SEMA3E: variants seen among roughly 807,000 people sequenced by gnomAD.
SEMA3E encodes the protein semaphorin 3E, also known as semaphorin-3E.
In SEMA3E, 49 loss-of-function variants were observed where a neutral mutation model predicts 93.6. The observed-to-expected ratio is 0.52, with a 90% CI of 0.42 to 0.66. The LOEUF is 0.66. Ranked by LOEUF, SEMA3E falls within the 30% of genes least tolerant of loss-of-function variation. SEMA3E has a pLI of 0.00. For missense variants in SEMA3E, 906 were observed against 964.8 expected (o/e 0.94, Z 0.81); for synonymous variants, 363 against 330.7 (o/e 1.10, Z -1.06).
At chr7:83,563,972 T>C (rs1343231735) in intron 1 of SEMA3E, among the ~76,000 whole-genome samples, 1 of 152,158 alleles carries the variant, frequency 6.6e-6, no homozygotes, top group Non-Finnish European at 1.5e-5. Context: ...TGACCATTTC[T>C]CCATTTCTCA....
At chr7:83,428,097 T>A (rs1788809481) in intron 4 of SEMA3E, among the ~76,000 whole-genome samples, 1 of 152,208 alleles carries the variant, frequency 6.6e-6, no homozygotes, top group Non-Finnish European at 1.5e-5. Context: ...AAATGGTAGA[T>A]CTCTCCAGGG....
chr7:83,577,202 C>A (rs1792422714), intron 1 of SEMA3E, among the ~76,000 whole-genome samples: 1 of 152,006 alleles, frequency 6.6e-6, no homozygotes, highest in Admixed American at 6.6e-5. Context: ...ACCTGTATGA[C>A]AGATTAGAGA....
At chr7:83,592,435 T>C (rs1792774312) in intron 1 of SEMA3E, among the ~76,000 whole-genome samples, 1 of 147,698 alleles carries the variant, frequency 6.8e-6, no homozygotes, top group Non-Finnish European at 1.5e-5. Flanking sequence ...GTTTATGTAA[T>C]TTTAAAATAA....
chr7:83,471,609 G>A (rs1274206847), intron 2 of SEMA3E, among the ~76,000 whole-genome samples: 1 of 152,072 alleles, frequency 6.6e-6, no homozygotes, highest in Non-Finnish European at 1.5e-5. Flanking sequence ...TAAATACTGT[G>A]ATCTAAGTCT....
chr7:83,506,369 G>A (rs116661181), intron 1 of SEMA3E, among the ~76,000 whole-genome samples: 1,668 of 152,186 alleles, frequency 0.011, 29 homozygotes, highest in African/African-American at 0.039. Flanking sequence ...GCCAGGCACA[G>A]GAAGTCAAAT....
At chr7:83,607,642 A>G (rs1054543303) in intron 1 of SEMA3E, among the ~76,000 whole-genome samples, 1 of 152,200 alleles carries the variant, frequency 6.6e-6, no homozygotes, top group East Asian at 1.9e-4. Context: ...TGATCAAGCT[A>G]AAGGATCAAT....
chr7:83,548,163 C>A (rs975934342), intron 1 of SEMA3E, among the ~76,000 whole-genome samples: 1 of 152,052 alleles, frequency 6.6e-6, no homozygotes, highest in Non-Finnish European at 1.5e-5. Flanking sequence ...TCCATTTTCA[C>A]ATCTATGTTT....
At chr7:83,466,873 A>G (rs1789772304) in intron 3 of SEMA3E, among the ~76,000 whole-genome samples, 1 of 152,142 alleles carries the variant, frequency 6.6e-6, no homozygotes. Context: ...ACTGAGGAAT[A>G]AAAAAAGCAC....
chr7:83,496,158 T>C (rs1411204142), intron 1 of SEMA3E, among the ~76,000 whole-genome samples: 2 of 151,954 alleles, frequency 1.3e-5, no homozygotes, highest in African/African-American at 4.8e-5. Context: ...AGAGATTCAG[T>C]ACAGAGCTAA....
chr7:83,425,117 A>G (rs966638803), intron 4 of SEMA3E: 6 of 152,366 alleles, frequency 3.9e-5, no homozygotes, highest in African/African-American at 1.4e-4. Context: ...GTACTTTTTT[A>G]AAGCTCTGGA....
chr7:83,514,370 A>G (rs1051680347), intron 1 of SEMA3E, among the ~76,000 whole-genome samples: 3 of 152,084 alleles, frequency 2.0e-5, no homozygotes, highest in Non-Finnish European at 2.9e-5. Context: ...GTGAGATCCA[A>G]GAGCAAAGGG....
At chr7:83,445,196 A>G (rs1440860125) in intron 4 of SEMA3E, among the ~76,000 whole-genome samples, 1 of 152,226 alleles carries the variant, frequency 6.6e-6, no homozygotes, top group African/African-American at 2.4e-5. Flanking sequence ...TGAGGAAGCA[A>G]AGATAGCAAA....
chr7:83,606,435 A>T (rs1256184816), intron 1 of SEMA3E, among the ~76,000 whole-genome samples: 1 of 151,518 alleles, frequency 6.6e-6, no homozygotes, highest in Non-Finnish European at 1.5e-5. Flanking sequence ...TGCAGCCATA[A>T]AAAATGATGA....
chr7:83,624,494 T>C (rs1223878919), intron 1 of SEMA3E, among the ~76,000 whole-genome samples: 1 of 152,200 alleles, frequency 6.6e-6, no homozygotes, highest in Non-Finnish European at 1.5e-5. Flanking sequence ...GCTTTTTTCC[T>C]ATGTTTGTTG....
chr7:83,509,122 A>C (rs2115639406), intron 1 of SEMA3E, among the ~76,000 whole-genome samples: 1 of 152,230 alleles, frequency 6.6e-6, no homozygotes, highest in Middle Eastern at 3.4e-3. Context: ...GACTCTATTA[A>C]AATTTTGGGA....
Position 83,372,062 on chromosome 7 carries a change from AG to A in SEMA3E, c.1876-4025del, listed in dbSNP as rs1794756219. 1.3e-5 allele frequency: 5 copies of A among 386,238 alleles called. No homozygotes were observed. In the East Asian group the frequency reaches 1.8e-4, roughly 14 times the overall value. The allele number at this position is 386,238 out of a possible 1,614,324, so 23.9% of individuals were successfully genotyped here. A position where few individuals can be genotyped will look rare whatever the true frequency, so the allele number is the denominator to read the frequency against. Reference sequence around the variant, plus strand: ...TTCTGAATTATCCTATAATGAGTAAAGAATTCAGAAGATAGTGTAAAATGAG... The same window carrying A: ...TTCTGAATTATCCTATAATGAGTAAAAATTCAGAAGATAGTGTAAAATGAG... On this transcript the variant is annotated intron_variant, in intron 16 of 16. Transcript: ENST00000643230.
At chr7:83,475,218 G>T (rs139040741) in intron 2 of SEMA3E, among the ~76,000 whole-genome samples, 7 of 151,888 alleles carry the variant, frequency 4.6e-5, no homozygotes, top group African/African-American at 7.2e-5. Context: ...TAAAATGAAG[G>T]CTTCTTTAAA....
At chr7:83,453,832 T>C (rs924441928) in intron 4 of SEMA3E, among the ~76,000 whole-genome samples, 3 of 152,140 alleles carry the variant, frequency 2.0e-5, no homozygotes, top group Non-Finnish European at 2.9e-5. Flanking sequence ...ATAAAAATTA[T>C]CTGAAAGTAT....
At chr7:83,645,685 T>C (rs952624198) in intron 1 of SEMA3E, among the ~76,000 whole-genome samples, 2 of 151,052 alleles carry the variant, frequency 1.3e-5, no homozygotes, top group African/African-American at 4.9e-5. Context: ...TAGAAAATAT[T>C]CCACACCTCT....
Sources: gnomAD v4.1 joint callset for allele counts (sites outside exome capture counted in the v4.1 genomes callset) on GRCh38, gnomAD v4.1.1 for gene constraint, MANE v1.5 for transcripts, NCBI Gene and HGNC (gene_info 2026-07-23, HGNC 2026-07-21) for gene names.